The following TTN variants were observed in gnomAD, a reference collection of about 807,000 sequenced individuals.
The protein encoded by TTN is connectin.
TTN carries 1,525 observed loss-of-function variants against 3,223.0 expected under a neutral mutation model. The observed-to-expected ratio is 0.47, with a 90% CI of 0.45 to 0.49. TTN has a LOEUF of 0.49. Ranked by LOEUF, TTN falls within the 20% of genes least tolerant of loss-of-function variation. The pLI, the probability that TTN is intolerant of heterozygous loss-of-function variation, is 0.00. For missense variants in TTN, 40,786 were observed against 43,424.0 expected (o/e 0.94, Z 5.40); for synonymous variants, 14,094 against 15,161.0 (o/e 0.93, Z 5.17).
rs927254787 is a variant in TTN, at chr2:178,799,233, C to T, written c.914+254G>A. 3.6e-5 allele frequency: 18 copies of T among 499,282 alleles called. No homozygotes were observed. The East Asian group carries it at 4.0e-4, about 11-fold the overall frequency. 30.9% of individuals were successfully genotyped at this position (499,282 alleles called of 1,614,324 possible). A position where few individuals can be genotyped will look rare whatever the true frequency, so the allele number is the denominator to read the frequency against. ...TTCCCAAGATCACCCTGACCTGCCA[C>T]GCCCACACCCTATGCCTATAAAAAC... On this transcript the variant is annotated intron_variant, in intron 6 of 362. Coordinates refer to ENST00000589042, the MANE Select transcript of TTN (RefSeq NM_001267550.2).
intron 79 of TTN, 88 bp downstream of exon 79, chr2:178,720,833 A>C: frequency 1.4e-6 from 2 of 1,452,066 alleles, no homozygotes; most frequent in South Asian, 1.5e-5. Context: ...AAATAACCTT[A>C]ATTATCCTTT....
chr2:178,555,738 G>A (rs547393682), intron 330 of TTN: 3 of 152,520 alleles, frequency 2.0e-5, no homozygotes, highest in Admixed American at 2.0e-4. Flanking sequence ...ATAATGAACA[G>A]CCCTGAGATT....
At chr2:178,789,551 T>G (rs1450811558) in intron 12 of TTN, 54 bp from the exon 13 acceptor site, 6 of 1,607,686 alleles carry the variant, frequency 3.7e-6, no homozygotes, top group Non-Finnish European at 5.1e-6. Context: ...CAAACACACA[T>G]AGTATGACCC....
Position 178,583,194 on chromosome 2 carries a change from T to A in TTN, c.65609A>T (p.Lys21870Ile). 1 of 1,609,194 alleles carries A rather than the reference T, an allele frequency of 6.2e-7. No individual in the cohort carries two copies. Among genetic ancestry groups the A allele is most frequent in the East Asian group, 2.2e-5 (1 of 44,560 alleles). ...TCCAGCTTTCACAGTAAGCAAAGAT[T>A]TCATAGCCACACTCAGGTCTATCCT... Reference protein sequence around the residue: ...PPRIDLSVAMKSLLTVKAGTN... With the variant: ...PPRIDLSVAMISLLTVKAGTN... The change falls in exon 313 of 363, where the codon AAA (lysine) becomes ATA (isoleucine). Residue 21870 changes from lysine (K) to isoleucine (I), a missense_variant. Lys to Ile is a moderately radical substitution (Grantham distance 102). Coordinates refer to ENST00000589042, the MANE Select transcript of TTN (RefSeq NM_001267550.2).
intron 223 of TTN, among the ~76,000 whole-genome samples, chr2:178,638,408 A>T (rs778670956): frequency 2.6e-5 from 4 of 151,348 alleles, no homozygotes; most frequent in Non-Finnish European, 4.4e-5. Context: ...AGTTTTATTT[A>T]TTGATTTATT....
rs1480837585 is a variant in TTN, at chr2:178,535,080, G to A, written c.101535C>T (p.Tyr33845=). The A allele has an allele frequency of 6.2e-7, 1 of 1,613,754 alleles. No homozygotes were observed. The highest frequency in any genetic ancestry group is 8.5e-7 in the Non-Finnish European group (1 of 1,179,862). The part of the protein sequence containing the change: ...RCVETSSKKT[Y]MAKFVKVKGT... ...CTTTGACTTTAACAAATTTGGCCATGTATGTCTTCTTTGAGGATGTTTCAA... is the reference window on the plus strand; with the variant it reads ...CTTTGACTTTAACAAATTTGGCCATATATGTCTTCTTTGAGGATGTTTCAA... Residue 33845 remains tyrosine (Y), a synonymous_variant, in exon 358 of 363, where the codon TAC becomes TAT. Transcript: ENST00000589042.
rs749274818 is a variant in TTN at position 178,570,044 on chromosome 2, C to T, written c.76088G>A (p.Arg25363His). 2.5e-5 allele frequency: 41 copies of T among 1,613,172 alleles called. No homozygotes were observed. The highest frequency in any genetic ancestry group is 5.3e-5 in the African/African-American group (4 of 74,870). The part of the protein sequence containing the change: ...RCHKRLIGEL[R>H]LRVTGLIENH... ...TTCTATGAGTCCAGTTACTCTCAGGCGCAACTCTCCAATCAGACGCTTATG... is the reference window on the plus strand; with the variant it reads ...TTCTATGAGTCCAGTTACTCTCAGGTGCAACTCTCCAATCAGACGCTTATG... The change falls in exon 326 of 363, where the codon CGC (arginine) becomes CAC (histidine). Residue 25363 changes from arginine (R) to histidine (H), a missense_variant. Physicochemically the swap from Arg to His is conservative, Grantham distance 29 (BLOSUM62 0). Transcript: ENST00000589042.
At position 178,579,279 on chromosome 2, in the gene TTN, CAGG is replaced by C; in HGVS notation, c.67748_67750del (p.Ser22583del). The C allele has an allele frequency of 6.2e-7, 1 of 1,613,228 alleles. No homozygotes were observed. Among genetic ancestry groups the C allele is most frequent in the Non-Finnish European group, 8.5e-7 (1 of 1,179,530 alleles). ...TGCTAGAGGATCTTCCCCTTTCTTC[CAGG>C]AGACTGATGGAGCTGGCTTGCCTTT... is the stretch of plus-strand genomic sequence containing the variant. On this transcript the variant is annotated inframe_deletion, in exon 320 of 363. Coordinates refer to ENST00000589042, the MANE Select transcript of TTN (RefSeq NM_001267550.2).
intron 22 of TTN, 195 bp downstream of exon 22, chr2:178,779,805 G>T: frequency 1.7e-6 from 1 of 600,176 alleles, no homozygotes; most frequent in Non-Finnish European, 2.9e-6. Flanking sequence ...CACATTTATG[G>T]CCTATATGTA....
intron 46 of TTN, among the ~76,000 whole-genome samples, chr2:178,754,726 TCTGG>T (rs1417324646): frequency 6.6e-6 from 1 of 152,168 alleles, no homozygotes; most frequent in African/African-American, 2.4e-5. Context: ...GGGTCAACTC[TCTGG>T]CTGGTGGAAT....
rs200593368 is a variant in TTN, at chr2:178,702,194, G to A, written c.30485C>T (p.Thr10162Met). The A allele has an allele frequency of 5.7e-4, 917 of 1,613,928 alleles. 2 individuals are homozygous for A. The highest frequency in any genetic ancestry group is 7.4e-4 in the Non-Finnish European group (874 of 1,179,874). Residue 10162 changes from threonine (T) to methionine (M), a missense_variant, in exon 108 of 363, where the codon ACG (threonine) becomes ATG (methionine). Transcript: ENST00000589042. ...RLEPRGEARS[T>M]AELYLTTKEI... ...TTTCGTCGTTAGGTACAGCTCTGCCGTGCTTCTTGCTTCACCTCTTGGCTC... is the reference window on the plus strand; with the variant it reads ...TTTCGTCGTTAGGTACAGCTCTGCCATGCTTCTTGCTTCACCTCTTGGCTC...
chr2:178,703,433 G>A (rs749093579), intron 106 of TTN, among the ~76,000 whole-genome samples: 1 of 152,110 alleles, frequency 6.6e-6, no homozygotes, highest in Non-Finnish European at 1.5e-5. Context: ...TCATTGTAAG[G>A]TAAGTCAGAA....
rs773203499 is a variant in TTN at position 178,557,836 on chromosome 2, T to C, written c.87518A>G (p.Tyr29173Cys). ...KYDGGSQVTNYILLKRETSTA... is the reference protein window; with the variant it reads ...KYDGGSQVTNCILLKRETSTA... ...ACTTGTTTCTCTTTTGAGTAGAATG[T>C]AGTTGGTAACTTGACTTCCACCGTC... The change falls in exon 328 of 363, where the codon TAC (tyrosine) becomes TGC (cysteine). Residue 29173 changes from tyrosine (Y) to cysteine (C), a missense_variant. Tyr to Cys is a radical substitution (Grantham distance 194). Transcript: ENST00000589042. 6.2e-7 allele frequency: 1 copy of C among 1,613,984 alleles called. No homozygotes were observed. Among genetic ancestry groups the C allele is most frequent in the South Asian group, 1.1e-5 (1 of 91,086 alleles).
intron 9 of TTN, among the ~76,000 whole-genome samples, chr2:178,792,903 A>G (rs535624169): frequency 6.6e-6 from 1 of 152,316 alleles, no homozygotes; most frequent in Admixed American, 6.5e-5. Context: ...GCCGCCAACC[A>G]TGGGGCTGTC....
At chr2:178,689,206 T>C (rs2071701018) in intron 124 of TTN, 70 bp from the exon 125 acceptor site, 3 of 1,587,264 alleles carry the variant, frequency 1.9e-6, no homozygotes, top group Non-Finnish European at 1.7e-6. Context: ...AACAAAGAAA[T>C]ACACCCACAG....
chr2:178,750,694 CT>C, intron 47 of TTN: 2 of 1,612,434 alleles, frequency 1.2e-6, no homozygotes, highest in Non-Finnish European at 8.5e-7. Context: ...TCAAATCATC[CT>C]TTTTTATTCT....
chr2:178,684,043 A>G lies in TTN; in HGVS notation c.32762T>C (p.Val10921Ala). 6.2e-7 allele frequency: 1 copy of G among 1,611,578 alleles called. No individual in the cohort carries two copies. The highest frequency in any genetic ancestry group is 8.5e-7 in the Non-Finnish European group (1 of 1,178,838). ...CTCTCTTTTAGGTTTGAGTTTCAGA[A>G]CTTTTTCTTCTGGGACAGCTCTCTT... is the stretch of plus-strand genomic sequence containing the variant. ...EPKRAVPEEK[V>A]LKLKPKREEE... The change falls in exon 133 of 363, where the codon GTT (valine) becomes GCT (alanine). Residue 10921 changes from valine to alanine, a missense_variant. Physicochemically the swap from Val to Ala is moderately conservative, Grantham distance 64 (BLOSUM62 0). Transcript: ENST00000589042.
chr2:178,730,140 C>T lies in TTN; in HGVS notation c.18260G>A (p.Ser6087Asn), dbSNP rs1270956493. The change falls in exon 62 of 363, where the codon AGC becomes AAC. Residue 6087 changes from serine to asparagine, a missense_variant. Ser to Asn is a conservative substitution (Grantham distance 46). Coordinates refer to ENST00000589042, the MANE Select transcript of TTN (RefSeq NM_001267550.2). ...TDSGTYICQL[S>N]NDVGTATSKA... is the part of the protein sequence containing the mutation. ...GCTGGTTGCTGTGCCAACATCATTG[C>T]TTAGTTGGCAAATGTAGGTTCCAGA... The T allele has an allele frequency of 6.2e-7, 1 of 1,612,438 alleles. No individual in the cohort carries two copies. Among genetic ancestry groups the T allele is most frequent in the Non-Finnish European group, 8.5e-7 (1 of 1,179,300 alleles).
At position 178,544,090 on chromosome 2, in the gene TTN, A is replaced by C. The variant is rs773714477; in HGVS notation, c.96054T>G (p.Asp32018Glu). ...RIEIPDLELA[D>E]DLKKTVTIRA... is the part of the protein sequence containing the mutation. ...TGATGGTCACAGTCTTCTTTAGATC[A>C]TCTGCAAGCTCAAGATCTGGTATTT... The change falls in exon 346 of 363, where the codon GAT (aspartate) becomes GAG (glutamate). Residue 32018 changes from aspartate to glutamate, a missense_variant. Asp to Glu is a conservative substitution (Grantham distance 45). Coordinates refer to ENST00000589042, the MANE Select transcript of TTN (RefSeq NM_001267550.2). 8 of 1,609,696 alleles carry C rather than the reference A, an allele frequency of 5.0e-6. No homozygotes were observed. Among genetic ancestry groups the C allele is most frequent in the Non-Finnish European group, 6.8e-6 (8 of 1,176,926 alleles).
Sources: gnomAD v4.1 joint callset for allele counts (sites outside exome capture counted in the v4.1 genomes callset) on GRCh38, gnomAD v4.1.1 for gene constraint, MANE v1.5 for transcripts, NCBI Gene and HGNC (gene_info 2026-07-23, HGNC 2026-07-21) for gene names.